LPGAT1: variants seen among roughly 807,000 people sequenced by gnomAD.
LPGAT1 encodes acyl-CoA:lysophosphatidylglycerol acyltransferase 1.
In LPGAT1, 11 loss-of-function variants were observed where a neutral mutation model predicts 47.5. The ratio of observed to expected loss-of-function variants is 0.23; its 90% CI spans 0.15 to 0.38. The LOEUF (loss-of-function observed/expected upper bound fraction) is 0.38. Ranked by LOEUF, LPGAT1 falls within the 10% of genes least tolerant of loss-of-function variation. LPGAT1 has a pLI of 1.00. For missense variants in LPGAT1, 293 were observed against 439.0 expected (o/e 0.67, Z 2.97); for synonymous variants, 138 against 144.2 (o/e 0.96, Z 0.31).
chr1:211,752,598 C>T (rs1284801194), intron 6 of LPGAT1, among the ~76,000 whole-genome samples: 1 of 152,188 alleles, frequency 6.6e-6, no homozygotes, highest in African/African-American at 2.4e-5. Flanking sequence ...GTACAAAAGA[C>T]CCCACGACAG....
At chr1:211,768,823 A>G (rs78439763) in intron 6 of LPGAT1, among the ~76,000 whole-genome samples, 2,680 of 152,306 alleles carry the variant, frequency 0.018, 76 homozygotes, top group African/African-American at 0.062. Flanking sequence ...TGGTAAGAGG[A>G]CATTTGAGCA....
intron 2 of LPGAT1, among the ~76,000 whole-genome samples, chr1:211,803,593 C>T (rs1370716617): frequency 6.6e-6 from 1 of 152,190 alleles, no homozygotes; most frequent in South Asian, 2.1e-4. Flanking sequence ...ATTATTAAAT[C>T]TAGGAACAAC....
intron 2 of LPGAT1, among the ~76,000 whole-genome samples, chr1:211,823,089 A>G (rs1420308981): frequency 2.0e-5 from 3 of 152,222 alleles, no homozygotes; most frequent in African/African-American, 7.2e-5. Flanking sequence ...AAAAATTAAG[A>G]AACACTCTAG....
intron 5 of LPGAT1, among the ~76,000 whole-genome samples, chr1:211,781,656 A>G (rs746819702): frequency 1.3e-5 from 2 of 152,184 alleles, no homozygotes; most frequent in Non-Finnish European, 2.9e-5. Context: ...TTAAAAACAC[A>G]TTGTTTCTGA....
At chr1:211,797,701 TATCTTA>T (rs1386568942) in intron 2 of LPGAT1, among the ~76,000 whole-genome samples, 4 of 152,150 alleles carry the variant, frequency 2.6e-5, no homozygotes. Flanking sequence ...ATAAAGCTAA[TATCTTA>T]ACCAAGGGAT....
At chr1:211,768,015 T>C (rs1001831938) in intron 6 of LPGAT1, among the ~76,000 whole-genome samples, 8 of 152,180 alleles carry the variant, frequency 5.3e-5, no homozygotes, top group Admixed American at 4.6e-4. Flanking sequence ...GAATAACTGA[T>C]TTTTACTATA....
At chr1:211,756,467 A>G (rs1263777337) in intron 6 of LPGAT1, among the ~76,000 whole-genome samples, 1 of 152,158 alleles carries the variant, frequency 6.6e-6, no homozygotes, top group Admixed American at 6.5e-5. Context: ...AGCTGGGACC[A>G]CAGGTGCGCA....
At chr1:211,784,074 T>G (rs1211778957) in intron 4 of LPGAT1, among the ~76,000 whole-genome samples, 2 of 152,084 alleles carry the variant, frequency 1.3e-5, no homozygotes, top group Non-Finnish European at 2.9e-5. Context: ...CAAAGGTCAT[T>G]TGGTGGGAAC....
chr1:211,829,454 G>A (rs1416621185), intron 1 of LPGAT1, 131 bp from the exon 2 acceptor site: 8 of 1,451,352 alleles, frequency 5.5e-6, no homozygotes, highest in Non-Finnish European at 7.2e-6. Flanking sequence ...TAGTACCTCG[G>A]TGATCTCTCA....
chr1:211,774,077 T>C (rs559374640), intron 6 of LPGAT1, among the ~76,000 whole-genome samples: 1 of 150,870 alleles, frequency 6.6e-6, no homozygotes, highest in South Asian at 2.1e-4. Context: ...TCATTCTTTA[T>C]ATATCTTAAT....
At chr1:211,766,944 T>C (rs1657943934) in intron 6 of LPGAT1, among the ~76,000 whole-genome samples, 1 of 152,226 alleles carries the variant, frequency 6.6e-6, no homozygotes, top group Non-Finnish European at 1.5e-5. Context: ...CTTTCATGTA[T>C]ACTTTTTCTA....
At chr1:211,752,560 T>C (rs1344786467) in intron 6 of LPGAT1, among the ~76,000 whole-genome samples, 2 of 152,220 alleles carry the variant, frequency 1.3e-5, no homozygotes, top group Non-Finnish European at 2.9e-5. Context: ...ACCTCCTTTA[T>C]TGTCCTGTAC....
intron 3 of LPGAT1, chr1:211,791,965 C>T (rs1157357634): frequency 1.3e-5 from 2 of 150,234 alleles, no homozygotes; most frequent in African/African-American, 4.8e-5. Context: ...AATTTATACA[C>T]CTTATTTAGT....
intron 6 of LPGAT1, among the ~76,000 whole-genome samples, chr1:211,765,243 T>C (rs1248501661): frequency 4.6e-5 from 7 of 152,226 alleles, no homozygotes; most frequent in African/African-American, 1.4e-4. Context: ...CTCATATGCT[T>C]CACCCAGATT....
At chr1:211,825,157 A>AAT (rs1339713762) in intron 2 of LPGAT1, among the ~76,000 whole-genome samples, 1 of 150,720 alleles carries the variant, frequency 6.6e-6, no homozygotes, top group Admixed American at 6.6e-5. Context: ...ATTAACAGTA[A>AAT]ATATTTTTAA....
rs1382199585 is a variant in LPGAT1 at position 211,744,933 on chromosome 1, TG to T, written c.*4965del. 9.2e-5 allele frequency: 14 copies of T among 152,634 alleles called. No individual in the cohort carries two copies. Among genetic ancestry groups the T allele is most frequent in the African/African-American group, 2.4e-4 (10 of 41,458 alleles). 9.5% of individuals were successfully genotyped at this position (152,634 alleles called of 1,614,324 possible). On this transcript the variant is annotated 3_prime_UTR_variant, in exon 8 of 8. Transcript: ENST00000366997. ...GCAGATATTAATGCCCAAATAGCTC[TG>T]GTAAAACACACATGCCCCATCCCCA...
intron 6 of LPGAT1, among the ~76,000 whole-genome samples, chr1:211,759,902 G>A (rs1259306790): frequency 6.6e-6 from 1 of 152,198 alleles, no homozygotes; most frequent in Non-Finnish European, 1.5e-5. Flanking sequence ...ATTTCCAGAA[G>A]TGAAATTGCT....
At chr1:211,750,885 T>C (rs570870433) in intron 7 of LPGAT1, 76 bp downstream of exon 7, 143 of 1,089,978 alleles carry the variant, frequency 1.3e-4, no homozygotes, top group South Asian at 2.2e-4. Flanking sequence ...AGATCTAATA[T>C]GCAAACAGCT....
chr1:211,793,324 G>C, intron 2 of LPGAT1, 134 bp from the exon 3 acceptor site: 1 of 493,804 alleles, frequency 2.0e-6, no homozygotes, highest in Non-Finnish European at 3.6e-6. Context: ...TTAGAACTAA[G>C]TTTATTTCCT....
Sources: allele counts gnomAD v4.1 joint callset (sites outside exome capture counted in the v4.1 genomes callset), GRCh38; gene constraint gnomAD v4.1.1; transcripts MANE v1.5; gene names NCBI Gene and HGNC (gene_info 2026-07-23, HGNC 2026-07-21).